SLC28A3: variants seen among roughly 807,000 people sequenced by gnomAD.
SLC28A3 encodes solute carrier family 28 member 3, also known as concentrative Na(+)-nucleoside cotransporter 3.
Under a neutral mutation model 84.2 loss-of-function variants are expected in SLC28A3, and 68 were observed. That is an observed-to-expected ratio of 0.81 (90% confidence interval 0.66 to 0.99). The LOEUF is 0.99. SLC28A3 is among the 50% of genes least tolerant of loss of function. The pLI is 0.00. For missense variants in SLC28A3, 712 were observed against 841.5 expected (o/e 0.85, Z 1.90); for synonymous variants, 267 against 303.6 (o/e 0.88, Z 1.25).
chr9:84,340,768 T>G, upstream of SLC28A3: 2 of 869,730 alleles, frequency 2.3e-6, no homozygotes, highest in Non-Finnish European at 1.8e-6. Context: ...TGGAAACTTC[T>G]GCAATAATCT....
At chr9:84,324,330 C>A (rs746931335) in intron 1 of SLC28A3, among the ~76,000 whole-genome samples, 9 of 152,150 alleles carry the variant, frequency 5.9e-5, no homozygotes, top group Non-Finnish European at 1.2e-4. Flanking sequence ...AAAATCAGGG[C>A]TCAGTAAATT....
At chr9:84,347,820 T>C in the SLC28A3 span, among the ~76,000 whole-genome samples, 4 of 152,212 alleles carry the variant, frequency 2.6e-5, no homozygotes, top group Non-Finnish European at 5.9e-5. Context: ...AGCGTAGTGC[T>C]TGGAACAGCG....
At chr9:84,347,204 TAAAAAAAAAAAA>T in the SLC28A3 span, among the ~76,000 whole-genome samples, 8 of 62,392 alleles carry the variant, frequency 1.3e-4, no homozygotes, top group South Asian at 1.4e-3. Context: ...AGACTCTGTC[TAAAAAAAAAAAA>T]AAAAAAAAAA....
At chr9:84,333,700 G>A (rs1359101742) in intron 1 of SLC28A3, among the ~76,000 whole-genome samples, 1 of 152,164 alleles carries the variant, frequency 6.6e-6, no homozygotes, top group African/African-American at 2.4e-5. Context: ...TGATAGGCAT[G>A]CAAATTGGTA....
intron 1 of SLC28A3, among the ~76,000 whole-genome samples, chr9:84,314,004 T>C (rs1447175017): frequency 6.6e-6 from 1 of 152,162 alleles, no homozygotes; most frequent in Non-Finnish European, 1.5e-5. Flanking sequence ...CTGATAACTT[T>C]CCAATAGGCA....
Position 84,327,561 on chromosome 9 carries a change from T to C in SLC28A3, c.60+13013A>G, listed in dbSNP as rs117614375. The stretch of plus-strand genomic sequence containing the variant: ...CCGTTTTGAAGGGGGTAAAATGAGA[T>C]TGGAGTTACCCCAAAGTCCAACTCT... On this transcript the variant is annotated intron_variant, in intron 1 of 17. Transcript: ENST00000376238. 7.1e-3 allele frequency among the ~76,000 whole-genome samples: 1,083 copies of C among 152,182 alleles called. 7 individuals carry two copies. Among genetic ancestry groups the C allele is most frequent in the Non-Finnish European group, 0.011 (782 of 68,010 alleles).
At chr9:84,282,588 G>A (rs987672873) in intron 14 of SLC28A3, among the ~76,000 whole-genome samples, 1 of 152,164 alleles carries the variant, frequency 6.6e-6, no homozygotes, top group Non-Finnish European at 1.5e-5. Flanking sequence ...GATGGAAGAT[G>A]AATTCGTGAA....
rs1588563256 is a variant in SLC28A3 at position 84,286,079 on chromosome 9, TG to T, written c.1312del (p.Gln438ArgfsTer15). 6.2e-7 allele frequency: 1 copy of T among 1,614,022 alleles called. No individual in the cohort carries two copies. Among genetic ancestry groups the T allele is most frequent in the African/African-American group, 1.3e-5 (1 of 75,042 alleles). ...CAGGGAGATGGAGGAGGATGCTCCC[TG>T]TGTTGCAGCTTCTAGAAGATTCCCT... ...DSGNLLEAAT[Q>X]GASSSISLVA... On this transcript the variant is annotated frameshift_variant, in exon 13 of 18. Coordinates refer to ENST00000376238, the MANE Select transcript of SLC28A3 (RefSeq NM_001199633.2). LOFTEE classifies it high-confidence loss of function.
At chr9:84,323,208 A>G (rs980470018) in intron 1 of SLC28A3, among the ~76,000 whole-genome samples, 2 of 152,138 alleles carry the variant, frequency 1.3e-5, no homozygotes, top group African/African-American at 4.8e-5. Context: ...TTAATAGCTG[A>G]TATTTGAGCA....
At chr9:84,297,151 A>G (rs139831812) in intron 8 of SLC28A3, 70 bp downstream of exon 8, 1 of 1,378,198 alleles carries the variant, frequency 7.3e-7, no homozygotes, top group East Asian at 2.3e-5. Context: ...GTTAAGTTCT[A>G]TCTGAACATC....
chr9:84,296,239 A>T (rs1357706518), intron 8 of SLC28A3, among the ~76,000 whole-genome samples: 1 of 152,168 alleles, frequency 6.6e-6, no homozygotes, highest in Non-Finnish European at 1.5e-5. Context: ...AAAACATCAA[A>T]CCAGCTAAAC....
intron 1 of SLC28A3, among the ~76,000 whole-genome samples, chr9:84,325,476 A>G (rs757153963): frequency 1.2e-4 from 19 of 152,254 alleles, no homozygotes; most frequent in Non-Finnish European, 2.2e-4. Context: ...CCCTGAAAGT[A>G]GGTGAGATCA....
rs150442323 is a variant in SLC28A3 at position 84,306,994 on chromosome 9, CAAAAAAAAA to C, written c.243-1658_243-1650del. Among the ~76,000 whole-genome samples the C allele has an allele frequency of 7.7e-5, 2 of 25,940 alleles. 1 individual carries two copies. 17.0% of individuals were successfully genotyped at this position (25,940 alleles called of 152,430 possible). A position where few individuals can be genotyped will look rare whatever the true frequency, so the allele number is the denominator to read the frequency against. ...GAAACACAGTGAGACCTTGTCTCTA[CAAAAAAAAA>C]AAAAAAAAAAAAAAAAAGCTTCGTG... On this transcript the variant is annotated intron_variant, in intron 3 of 17. Transcript: ENST00000376238.
the SLC28A3 span, among the ~76,000 whole-genome samples, chr9:84,366,055 C>CA: frequency 4.0e-5 from 6 of 150,476 alleles, no homozygotes; most frequent in South Asian, 2.1e-4. Context: ...CATCTCAAAA[C>CA]AAAAAAACAA....
intron 17 of SLC28A3, among the ~76,000 whole-genome samples, chr9:84,278,930 A>C (rs1184899912): frequency 1.3e-5 from 2 of 151,460 alleles, no homozygotes; most frequent in African/African-American, 4.9e-5. Context: ...TGCAAGGTTT[A>C]AGTGAGCTAA....
At chr9:84,309,905 C>G (rs41307444) in intron 2 of SLC28A3, among the ~76,000 whole-genome samples, 191 bp from the exon 3 acceptor site, 3,525 of 152,234 alleles carry the variant, frequency 0.023, 59 homozygotes, top group Non-Finnish European at 0.038. Flanking sequence ...ACAAAAAATG[C>G]CAGGTTCATA....
At chr9:84,279,172 C>CAAAAA (rs11309306) in intron 17 of SLC28A3, 93 bp downstream of exon 17, 19 of 949,648 alleles carry the variant, frequency 2.0e-5, no homozygotes, top group South Asian at 9.0e-5. Context: ...GACTCCGTCT[C>CAAAAA]AAAAAAAAAA....
chr9:84,295,764 A>G (rs964253079), intron 8 of SLC28A3, among the ~76,000 whole-genome samples: 12 of 152,000 alleles, frequency 7.9e-5, no homozygotes, highest in African/African-American at 2.9e-4. Flanking sequence ...GCCTCATCCT[A>G]CTGTACCCCC....
At chr9:84,354,390 C>T in the SLC28A3 span, among the ~76,000 whole-genome samples, 1 of 152,244 alleles carries the variant, frequency 6.6e-6, no homozygotes, top group East Asian at 1.9e-4. Flanking sequence ...AGGAACCCCA[C>T]AGGTTACACC....
Sources: gnomAD v4.1 joint callset for allele counts (sites outside exome capture counted in the v4.1 genomes callset) on GRCh38, gnomAD v4.1.1 for gene constraint, MANE v1.5 for transcripts, NCBI Gene and HGNC (gene_info 2026-07-23, HGNC 2026-07-21) for gene names.